The following HDAC9 variants were observed in gnomAD, a reference collection of about 807,000 sequenced individuals.
HDAC9 encodes the protein MEF-2 interacting transcription repressor (MITR) protein.
Under a neutral mutation model 139.4 loss-of-function variants are expected in HDAC9, and 41 were observed. That is an observed-to-expected ratio of 0.29 (90% confidence interval 0.23 to 0.38). The LOEUF (loss-of-function observed/expected upper bound fraction) is 0.38. Ranked by LOEUF, HDAC9 falls within the 10% of genes least tolerant of loss-of-function variation. HDAC9 has a pLI of 1.00. For synonymous variants in HDAC9, 517 were observed against 476.2 expected (o/e 1.09, Z -1.12); for missense variants, 1,147 against 1,297.0 (o/e 0.88, Z 1.78).
At chr7:18,699,301 C>G (rs773947597) in intron 12 of HDAC9, among the ~76,000 whole-genome samples, 15 of 152,290 alleles carry the variant, frequency 9.8e-5, no homozygotes, top group Non-Finnish European at 1.8e-4. Context: ...TCCAAACCTT[C>G]TCTGTGCCTT....
chr7:18,870,590 C>G (rs1268161474), intron 21 of HDAC9, among the ~76,000 whole-genome samples: 1 of 151,982 alleles, frequency 6.6e-6, no homozygotes, highest in African/African-American at 2.4e-5. Flanking sequence ...TTTTTAGTAC[C>G]TTGGAGAAGA....
intron 1 of HDAC9, among the ~76,000 whole-genome samples, chr7:18,304,291 A>G (rs1347827504): frequency 6.6e-6 from 1 of 152,212 alleles, no homozygotes; most frequent in East Asian, 1.9e-4. Context: ...TTGAGGAATG[A>G]TGAGTGTAAA....
rs375811488 is a variant in HDAC9 at position 18,835,513 on chromosome 7, C to G, written c.2513C>G (p.Pro838Arg). Residue 838 changes from proline to arginine, a missense_variant, in exon 20 of 26, where the codon CCC (proline) becomes CGC (arginine). Pro to Arg is a moderately radical substitution (Grantham distance 103). This residue lies in a region of HDAC9 where 407 missense variants were observed against 521.5 expected (regional missense o/e 0.78). Coordinates refer to ENST00000686413, the MANE Select transcript of HDAC9 (RefSeq NM_178425.4). ...NGTQQAFYADPSILYISLHRY... is the reference protein window; with the variant it reads ...NGTQQAFYADRSILYISLHRY... ...ACCCAGCAGGCCTTTTATGCTGACC[C>G]CAGCATCCTGTACATTTCACTCCAT... The G allele has an allele frequency of 1.2e-6, 2 of 1,613,150 alleles. No individual in the cohort carries two copies. Among genetic ancestry groups the G allele is most frequent in the African/African-American group, 1.3e-5 (1 of 74,872 alleles).
chr7:18,450,774 T>C (rs1792744778), intron 1 of HDAC9, among the ~76,000 whole-genome samples: 1 of 152,210 alleles, frequency 6.6e-6, no homozygotes, highest in South Asian at 2.1e-4. Context: ...TAGGAAGAGG[T>C]GAAGCTTCAG....
At chr7:18,210,830 TTA>T in intron 2 of HDAC9, among the ~76,000 whole-genome samples, 1 of 152,328 alleles carries the variant, frequency 6.6e-6, no homozygotes, top group African/African-American at 2.4e-5. Context: ...ATTTTAACAC[TTA>T]ATCTTCCATG....
chr7:18,633,677 G>T (rs549835674), intron 7 of HDAC9, among the ~76,000 whole-genome samples: 56 of 152,174 alleles, frequency 3.7e-4, no homozygotes, highest in Non-Finnish European at 6.3e-4. Flanking sequence ...GGGTTGACAA[G>T]GTGTAATGAT....
chr7:18,404,354 T>C (rs1365724070), intron 1 of HDAC9, among the ~76,000 whole-genome samples: 1 of 152,068 alleles, frequency 6.6e-6, no homozygotes, highest in Non-Finnish European at 1.5e-5. Flanking sequence ...GGAAAAATAA[T>C]AAATCATGTA....
intron 21 of HDAC9, among the ~76,000 whole-genome samples, chr7:18,864,641 A>G (rs12699999): frequency 0.42 from 63,554 of 150,994 alleles, 13,721 homozygotes; most frequent in South Asian, 0.57. Flanking sequence ...AAAAAAAACT[A>G]AGAGGATTGG....
chr7:18,200,996 G>A (rs1362646110), intron 2 of HDAC9, among the ~76,000 whole-genome samples: 3 of 152,170 alleles, frequency 2.0e-5, no homozygotes, highest in Non-Finnish European at 2.9e-5. Flanking sequence ...GCTGGAGCCT[G>A]TAGGTGCCCT....
At chr7:18,423,878 G>A (rs1417561972) in intron 1 of HDAC9, among the ~76,000 whole-genome samples, 1 of 152,224 alleles carries the variant, frequency 6.6e-6, no homozygotes, top group Non-Finnish European at 1.5e-5. Flanking sequence ...GCAAGGGAAA[G>A]TGGACTTCAC....
intron 2 of HDAC9, among the ~76,000 whole-genome samples, chr7:18,177,631 G>A (rs901122767): frequency 6.6e-6 from 1 of 152,074 alleles, no homozygotes; most frequent in Admixed American, 6.5e-5. Context: ...CCTGGGTGAC[G>A]CTGACATTTG....
At chr7:18,153,290 C>T (rs1213259083) in intron 1 of HDAC9, among the ~76,000 whole-genome samples, 1 of 152,142 alleles carries the variant, frequency 6.6e-6, no homozygotes, top group South Asian at 2.1e-4. Flanking sequence ...AATGAAAGTA[C>T]ACTCCACGGG....
intron 2 of HDAC9, among the ~76,000 whole-genome samples, chr7:18,515,630 C>G (rs1022350151): frequency 1.3e-5 from 2 of 152,158 alleles, no homozygotes; most frequent in African/African-American, 4.8e-5. Context: ...TTTTGGAGAA[C>G]AAAGGGGGTT....
intron 21 of HDAC9, among the ~76,000 whole-genome samples, chr7:18,862,818 CAGAA>C (rs950890274): frequency 8.6e-5 from 13 of 152,016 alleles, no homozygotes; most frequent in South Asian, 8.3e-4. Context: ...ATTATGAAGA[CAGAA>C]AGAGAAAAGC....
At chr7:18,444,695 A>G (rs975567823) in intron 1 of HDAC9, among the ~76,000 whole-genome samples, 11 of 152,202 alleles carry the variant, frequency 7.2e-5, no homozygotes, top group Admixed American at 7.2e-4. Flanking sequence ...CAAAGGAGGC[A>G]TGAATACCGA....
At chr7:18,385,362 A>G (rs1370504977) in intron 1 of HDAC9, among the ~76,000 whole-genome samples, 2 of 152,154 alleles carry the variant, frequency 1.3e-5, no homozygotes, top group African/African-American at 2.4e-5. Flanking sequence ...CCTTTGGGAT[A>G]ATAACACCAT....
chr7:18,363,803 A>AT (rs967480406), intron 1 of HDAC9, among the ~76,000 whole-genome samples: 1 of 152,074 alleles, frequency 6.6e-6, no homozygotes. Context: ...TTCAATCTCA[A>AT]TTTTTTTATA....
intron 1 of HDAC9, among the ~76,000 whole-genome samples, chr7:18,303,093 A>C (rs1798651292): frequency 6.6e-6 from 1 of 152,192 alleles, no homozygotes. Context: ...TTTTTCATAG[A>C]AAGGGTAGAA....
intron 1 of HDAC9, among the ~76,000 whole-genome samples, chr7:18,379,302 G>A (rs1785238778): frequency 1.3e-5 from 2 of 152,186 alleles, no homozygotes. Context: ...GTTGCTAGAA[G>A]TTCTGTCAGT....
Sources: allele counts gnomAD v4.1 joint callset (sites outside exome capture counted in the v4.1 genomes callset), GRCh38; gene constraint gnomAD v4.1.1; regional missense constraint gnomAD v4.1.1; transcripts MANE v1.5; gene names NCBI Gene and HGNC (gene_info 2026-07-23, HGNC 2026-07-21).